ROBO1: variants seen among roughly 807,000 people sequenced by gnomAD.
The protein encoded by ROBO1 is roundabout homolog 1.
Under a neutral mutation model 195.9 loss-of-function variants are expected in ROBO1, and 149 were observed. The observed-to-expected ratio is 0.76, with a 90% CI of 0.67 to 0.87. ROBO1 has a LOEUF of 0.87. ROBO1 is among the 40% of genes least tolerant of loss of function. The pLI is 0.00. For synonymous variants in ROBO1, 816 were observed against 733.2 expected, an observed-to-expected ratio of 1.11 and a Z score of -1.82; for missense variants, 1,933 against 2,068.3, an observed-to-expected ratio of 0.93 and a Z score of 1.27.
intron 2 of ROBO1, among the ~76,000 whole-genome samples, chr3:79,389,254 G>GA (rs1285881984): frequency 3.3e-5 from 5 of 151,916 alleles, no homozygotes; most frequent in African/African-American, 1.2e-4. Flanking sequence ...TAACTATAAA[G>GA]AAAAAAATTA....
intron 2 of ROBO1, among the ~76,000 whole-genome samples, chr3:79,429,436 C>T (rs1344417657): frequency 6.6e-6 from 1 of 152,088 alleles, no homozygotes; most frequent in African/African-American, 2.4e-5. Context: ...CTCTCTCACA[C>T]TCAGGTTCCG....
intron 3 of ROBO1, among the ~76,000 whole-genome samples, chr3:79,033,267 T>G: frequency 6.6e-6 from 1 of 152,114 alleles, no homozygotes; most frequent in East Asian, 1.9e-4. Context: ...AATATTTTTA[T>G]AATATTATGA....
At chr3:79,231,721 C>A (rs922436855) in intron 2 of ROBO1, among the ~76,000 whole-genome samples, 2 of 152,052 alleles carry the variant, frequency 1.3e-5, no homozygotes, top group East Asian at 1.9e-4. Context: ...GGTATATACC[C>A]AAAAGGGTAT....
chr3:78,665,851 G>A (rs1473991810), intron 14 of ROBO1, among the ~76,000 whole-genome samples: 1 of 152,044 alleles, frequency 6.6e-6, no homozygotes, highest in Non-Finnish European at 1.5e-5. Flanking sequence ...TTTCACAACT[G>A]TATGCCTGTT....
chr3:79,286,163 T>G (rs1314163359), intron 2 of ROBO1, among the ~76,000 whole-genome samples: 1 of 152,200 alleles, frequency 6.6e-6, no homozygotes, highest in African/African-American at 2.4e-5. Flanking sequence ...AGTTAATGAA[T>G]GTATCAGATG....
At chr3:79,713,374 A>G (rs756173163) in intron 1 of ROBO1, among the ~76,000 whole-genome samples, 18 of 152,098 alleles carry the variant, frequency 1.2e-4, no homozygotes, top group Non-Finnish European at 2.5e-4. Context: ...ATCTTCTGGA[A>G]AAATTCACAA....
Position 78,633,982 on chromosome 3 carries a change from T to C in ROBO1, c.3434A>G (p.Asn1145Ser), listed in dbSNP as rs955197475. The change falls in exon 24 of 31, where the codon AAC becomes AGC. Residue 1145 changes from asparagine to serine, a missense_variant. Physicochemically the swap from Asn to Ser is conservative, Grantham distance 46. Transcript: ENST00000464233. ...TIPYNQSYDQNTGGSYNSSDR... is the reference protein window; with the variant it reads ...TIPYNQSYDQSTGGSYNSSDR... Reference sequence around the variant, plus strand: ...TGAGCTGTTGTAGGATCCTCCTGTGTTCTGGTCGTATGATTGGTTGTATGG... The same window carrying C: ...TGAGCTGTTGTAGGATCCTCCTGTGCTCTGGTCGTATGATTGGTTGTATGG... The C allele has an allele frequency of 1.9e-6, 3 of 1,612,986 alleles. No individual in the cohort carries two copies. In the African/African-American group the frequency reaches 4.0e-5, roughly 22 times the overall value.
At chr3:79,146,382 C>T (rs1559693175) in intron 2 of ROBO1, among the ~76,000 whole-genome samples, 1 of 151,880 alleles carries the variant, frequency 6.6e-6, no homozygotes, top group Non-Finnish European at 1.5e-5. Context: ...ATTCTATCAG[C>T]TATATTGATT....
chr3:78,929,515 T>C (rs2039395407), intron 4 of ROBO1, among the ~76,000 whole-genome samples: 1 of 149,346 alleles, frequency 6.7e-6, no homozygotes. Flanking sequence ...TTTATTTATT[T>C]ATTTAGAGAT....
At chr3:79,593,768 G>A (rs1039999213) in intron 1 of ROBO1, among the ~76,000 whole-genome samples, 3 of 151,688 alleles carry the variant, frequency 2.0e-5, no homozygotes, top group Admixed American at 1.3e-4. Context: ...GTACCACAAC[G>A]CCTGGCTAAT....
At chr3:79,352,116 A>T (rs2035365815) in intron 2 of ROBO1, among the ~76,000 whole-genome samples, 1 of 152,214 alleles carries the variant, frequency 6.6e-6, no homozygotes, top group Non-Finnish European at 1.5e-5. Flanking sequence ...AACTGCAGGA[A>T]TACTTACTAG....
At chr3:79,027,540 G>A (rs1356799492) in intron 3 of ROBO1, among the ~76,000 whole-genome samples, 1 of 151,822 alleles carries the variant, frequency 6.6e-6, no homozygotes, top group Non-Finnish European at 1.5e-5. Flanking sequence ...CAGTCTTGTG[G>A]GTAAATACTG....
Position 79,211,657 on chromosome 3 carries a change from T to A in ROBO1, c.89-86118A>T, listed in dbSNP as rs139968267. On this transcript the variant is annotated intron_variant, in intron 2 of 30. Transcript: ENST00000464233. ...GGACGTGTCAGGTAAGGAAATGAGATAGGAGGACAGTTTTGAAAAATAACT... is the reference window on the plus strand; with the variant it reads ...GGACGTGTCAGGTAAGGAAATGAGAAAGGAGGACAGTTTTGAAAAATAACT... Among the ~76,000 whole-genome samples the A allele has an allele frequency of 2.0e-3, 304 of 152,222 alleles. 1 individual carries two copies. The highest frequency in any genetic ancestry group is 7.0e-3 in the African/African-American group (290 of 41,542).
chr3:78,721,363 T>C (rs1484114798), intron 5 of ROBO1, among the ~76,000 whole-genome samples: 1 of 152,162 alleles, frequency 6.6e-6, no homozygotes, highest in East Asian at 1.9e-4. Context: ...AAGAGGAAGA[T>C]GAAAAATCCA....
intron 1 of ROBO1, among the ~76,000 whole-genome samples, chr3:79,629,495 T>C (rs980070155): frequency 2.0e-5 from 3 of 151,690 alleles, no homozygotes; most frequent in Non-Finnish European, 4.4e-5. Context: ...GAAAAAGTGG[T>C]ATTAAGAGGA....
intron 2 of ROBO1, among the ~76,000 whole-genome samples, chr3:79,239,819 T>C (rs1206878514): frequency 6.6e-6 from 1 of 152,202 alleles, no homozygotes; most frequent in African/African-American, 2.4e-5. Context: ...ATAGAGTATA[T>C]ATCTAATGTA....
intron 5 of ROBO1, among the ~76,000 whole-genome samples, chr3:78,745,111 C>A (rs1401359134): frequency 6.6e-6 from 1 of 151,714 alleles, no homozygotes; most frequent in East Asian, 1.9e-4. Flanking sequence ...AGATCGAGAC[C>A]ATCCTGGCCA....
chr3:79,498,180 G>T (rs998520886), intron 2 of ROBO1, among the ~76,000 whole-genome samples: 4 of 152,066 alleles, frequency 2.6e-5, no homozygotes, highest in African/African-American at 9.7e-5. Flanking sequence ...AAGCATTTTT[G>T]TCATCTTTTG....
At chr3:79,153,443 A>T (rs1370124341) in intron 2 of ROBO1, among the ~76,000 whole-genome samples, 1 of 151,758 alleles carries the variant, frequency 6.6e-6, no homozygotes, top group African/African-American at 2.4e-5. Context: ...CAATTACTTC[A>T]CAGAGAGGTT....
Sources: gnomAD v4.1 joint callset for allele counts (sites outside exome capture counted in the v4.1 genomes callset) on GRCh38, gnomAD v4.1.1 for gene constraint, MANE v1.5 for transcripts, NCBI Gene and HGNC (gene_info 2026-07-23, HGNC 2026-07-21) for gene names.